Variants in NRG3 observed in about 807,000 individuals in gnomAD.
NRG3 encodes the protein pro-neuregulin-3, membrane-bound isoform.
Under a neutral mutation model 66.9 loss-of-function variants are expected in NRG3, and 31 were observed. The observed-to-expected ratio is 0.46, with a 90% CI of 0.35 to 0.63. The LOEUF is 0.63. NRG3 is among the 20% of genes least tolerant of loss of function. The pLI is 0.00. For missense variants in NRG3, 910 were observed against 878.9 expected, an observed-to-expected ratio of 1.04 and a Z score of -0.45; for synonymous variants, 393 against 359.4, an observed-to-expected ratio of 1.09 and a Z score of -1.06.
chr10:82,506,149 G>C (rs1844653825), intron 2 of NRG3, among the ~76,000 whole-genome samples: 1 of 152,202 alleles, frequency 6.6e-6, no homozygotes, highest in South Asian at 2.1e-4. Context: ...TCGGGAGACT[G>C]AGGCAAGAGA....
At chr10:82,699,926 A>C (rs1043867819) in intron 2 of NRG3, among the ~76,000 whole-genome samples, 1 of 152,098 alleles carries the variant, frequency 6.6e-6, no homozygotes, top group Admixed American at 6.6e-5. Flanking sequence ...CTATGAGTGC[A>C]TAACTTGGTC....
intron 2 of NRG3, among the ~76,000 whole-genome samples, chr10:82,592,441 C>A (rs534374974): frequency 6.6e-6 from 1 of 152,270 alleles, no homozygotes; most frequent in South Asian, 2.1e-4. Context: ...ACATGGCAAA[C>A]AATTTCTAGG....
chr10:82,842,779 G>A (rs1431894328), intron 3 of NRG3, among the ~76,000 whole-genome samples: 2 of 152,052 alleles, frequency 1.3e-5, no homozygotes, highest in Non-Finnish European at 2.9e-5. Context: ...GAGTTGTAGT[G>A]GTGGTATTAT....
intron 1 of NRG3, among the ~76,000 whole-genome samples, chr10:82,103,123 G>A (rs2066862569): frequency 6.6e-6 from 1 of 151,874 alleles, no homozygotes; most frequent in Admixed American, 6.6e-5. Flanking sequence ...AGTATTCTGG[G>A]CTGGTCTTTT....
chr10:82,364,946 C>A (rs974511586), intron 2 of NRG3, among the ~76,000 whole-genome samples: 1 of 152,130 alleles, frequency 6.6e-6, no homozygotes, highest in African/African-American at 2.4e-5. Context: ...TTGGGAAGGG[C>A]AAAGGGAACC....
chr10:82,857,564 C>A (rs925730222), intron 3 of NRG3, among the ~76,000 whole-genome samples: 9 of 151,998 alleles, frequency 5.9e-5, no homozygotes, highest in Admixed American at 2.0e-4. Flanking sequence ...CAGATAGACT[C>A]CTGATTTAGT....
chr10:82,337,814 G>A (rs1013844970), intron 1 of NRG3, among the ~76,000 whole-genome samples: 1 of 152,154 alleles, frequency 6.6e-6, no homozygotes, highest in African/African-American at 2.4e-5. Flanking sequence ...AAGAAGAGAA[G>A]ATGTATGATA....
At chr10:82,484,354 C>T (rs1366320872) in intron 2 of NRG3, among the ~76,000 whole-genome samples, 1 of 152,094 alleles carries the variant, frequency 6.6e-6, no homozygotes, top group East Asian at 1.9e-4. Flanking sequence ...GAGCCTTGGT[C>T]TTATTTTTTG....
chr10:82,843,820 T>G (rs1488798080), intron 3 of NRG3, among the ~76,000 whole-genome samples: 1 of 152,158 alleles, frequency 6.6e-6, no homozygotes, highest in Non-Finnish European at 1.5e-5. Context: ...GGAAGGTTAA[T>G]GGGATGAATC....
intron 2 of NRG3, among the ~76,000 whole-genome samples, chr10:82,653,997 A>C (rs1253838858): frequency 1.3e-5 from 2 of 152,272 alleles, no homozygotes; most frequent in African/African-American, 2.4e-5. Context: ...GGCAGCCAAA[A>C]TTTGTAGCTG....
intron 2 of NRG3, 58 bp from the exon 3 acceptor site, chr10:82,738,519 A>C: frequency 7.4e-7 from 1 of 1,358,048 alleles, no homozygotes; most frequent in East Asian, 2.3e-5. Flanking sequence ...TTACTTGTTG[A>C]AATCTTAAGT....
chr10:82,751,211 A>G lies in NRG3; in HGVS notation c.1027+12561A>G, dbSNP rs75568310. Among the ~76,000 whole-genome samples, 726 of 152,116 alleles carry G rather than the reference A, an allele frequency of 4.8e-3. 4 individuals are homozygous for G. The highest frequency in any genetic ancestry group is 0.016 in the African/African-American group (671 of 41,514). Reference sequence around the variant, plus strand: ...ACTGGTTGGTGTCTCCACTGTCTCCATTTTCTTGGGAATCTTGAAAAGTCA... The same window carrying G: ...ACTGGTTGGTGTCTCCACTGTCTCCGTTTTCTTGGGAATCTTGAAAAGTCA... On this transcript the variant is annotated intron_variant, in intron 3 of 8. Transcript: ENST00000372141.
At chr10:82,977,884 T>C in intron 7 of NRG3, among the ~76,000 whole-genome samples, 1 of 152,172 alleles carries the variant, frequency 6.6e-6, no homozygotes, top group East Asian at 1.9e-4. Flanking sequence ...AATAATATAG[T>C]AATATGGGTA....
chr10:82,564,708 G>A (rs1264751924), intron 2 of NRG3, among the ~76,000 whole-genome samples: 1 of 152,058 alleles, frequency 6.6e-6, no homozygotes, highest in Non-Finnish European at 1.5e-5. Context: ...GGATCCTGTT[G>A]TGCTGAGTGT....
At chr10:82,172,469 A>G (rs2072703499) in intron 1 of NRG3, among the ~76,000 whole-genome samples, 1 of 152,166 alleles carries the variant, frequency 6.6e-6, no homozygotes, top group Non-Finnish European at 1.5e-5. Context: ...TTTGTAACAT[A>G]TGTCCTTTGG....
chr10:82,603,005 G>T (rs553351935), intron 2 of NRG3, among the ~76,000 whole-genome samples: 1 of 152,290 alleles, frequency 6.6e-6, no homozygotes, highest in Admixed American at 6.5e-5. Context: ...AAGTAGAAGG[G>T]CAGTCAGTCT....
chr10:81,974,263 C>T (rs949630936), intron 1 of NRG3, among the ~76,000 whole-genome samples: 1 of 152,028 alleles, frequency 6.6e-6, no homozygotes, highest in African/African-American at 2.4e-5. Flanking sequence ...CTCCATTGAT[C>T]TATGTGTCTC....
At chr10:82,318,199 G>C (rs146740991) in intron 1 of NRG3, among the ~76,000 whole-genome samples, 198 of 152,182 alleles carry the variant, frequency 1.3e-3, no homozygotes, top group African/African-American at 4.4e-3. Flanking sequence ...ATTTGGGTGG[G>C]GTGGGGGCAT....
At chr10:82,969,607 A>G (rs1488665946) in intron 6 of NRG3, among the ~76,000 whole-genome samples, 1 of 152,204 alleles carries the variant, frequency 6.6e-6, no homozygotes, top group Non-Finnish European at 1.5e-5. Flanking sequence ...AGACATGGTC[A>G]TTACTGCCAC....
Sources: allele counts gnomAD v4.1 joint callset (sites outside exome capture counted in the v4.1 genomes callset), GRCh38; gene constraint gnomAD v4.1.1; transcripts MANE v1.5; gene names NCBI Gene and HGNC (gene_info 2026-07-23, HGNC 2026-07-21).